The following FAM53A variants were observed in gnomAD, a reference collection of about 807,000 sequenced individuals.
FAM53A encodes the protein protein FAM53A.
FAM53A carries 28 observed loss-of-function variants against 26.6 expected under a neutral mutation model. The observed-to-expected ratio is 1.05, with a 90% CI of 0.78 to 1.45. The LOEUF (loss-of-function observed/expected upper bound fraction) is 1.45, where lower values mean the gene tolerates loss of function less well. Ranked by LOEUF, FAM53A falls within the 40% of genes most tolerant of loss-of-function variation. FAM53A has a pLI of 0.00. For synonymous variants in FAM53A, 290 were observed against 253.1 expected (o/e 1.15, Z -1.38); for missense variants, 650 against 575.8 (o/e 1.13, Z -1.32).
intron 1 of FAM53A, among the ~76,000 whole-genome samples, chr4:1,682,017 G>A (rs975930170): frequency 1.3e-5 from 2 of 152,072 alleles, no homozygotes; most frequent in Non-Finnish European, 2.9e-5. Context: ...ACTTCACCTG[G>A]ACAAGTAACC....
At chr4:1,645,535 T>C (rs909638373) in intron 4 of FAM53A, among the ~76,000 whole-genome samples, 1 of 151,984 alleles carries the variant, frequency 6.6e-6, no homozygotes, top group Non-Finnish European at 1.5e-5. Flanking sequence ...AGAACAAAGA[T>C]CCTCCCTGTC....
the FAM53A span, among the ~76,000 whole-genome samples, chr4:1,609,806 T>TAC: frequency 6.6e-6 from 1 of 151,624 alleles, no homozygotes; most frequent in Non-Finnish European, 1.5e-5. Context: ...CTACTAAAAA[T>TAC]ATAAAAATTA....
chr4:1,658,330 T>C (rs558610254), intron 2 of FAM53A, among the ~76,000 whole-genome samples: 1 of 152,356 alleles, frequency 6.6e-6, no homozygotes, highest in Admixed American at 6.5e-5. Flanking sequence ...TCAGACATTT[T>C]TATTCCAAGC....
rs575617375 is a variant in FAM53A at position 1,675,958 on chromosome 4, C to T, written c.-164-7053G>A. Among the ~76,000 whole-genome samples the T allele has an allele frequency of 1.2e-4, 18 of 152,370 alleles. No homozygotes were observed. The East Asian group carries it at 3.1e-3, about 26-fold the overall frequency. On this transcript the variant is annotated intron_variant, in intron 1 of 4. Coordinates refer to ENST00000308132, the MANE Select transcript of FAM53A (RefSeq NM_001174070.3). Reference sequence around the variant, plus strand: ...CTCAGATGGCCGCCTCACGGGACAGCGGCAAAATGCCCTCGGCTGGCGGCT... The same window carrying T: ...CTCAGATGGCCGCCTCACGGGACAGTGGCAAAATGCCCTCGGCTGGCGGCT...
chr4:1,632,163 C>CA (rs33944808), intron 1 of FAM53A, among the ~76,000 whole-genome samples: 56,079 of 107,224 alleles, frequency 0.52, 13,476 homozygotes, highest in Non-Finnish European at 0.57. Context: ...GATTCCATCT[C>CA]AAAAAAAAAA....
intron 4 of FAM53A, chr4:1,644,141 C>T (rs1292969140): frequency 2.6e-6 from 4 of 1,520,950 alleles, no homozygotes; most frequent in Middle Eastern, 1.7e-4. Context: ...TCCACAGCAC[C>T]ACCAGGCTGC....
In FAM53A at chr4:1,668,715, C is replaced by T; in HGVS notation, c.27G>A (p.Leu9=). Residue 9 remains leucine (L), a synonymous_variant, in exon 2 of 5, where the codon CTG becomes CTA. Coordinates refer to ENST00000308132, the MANE Select transcript of FAM53A (RefSeq NM_001174070.3). The part of the protein sequence containing the change: MVTLITEK[L]QSQSLDDLTC... The stretch of plus-strand genomic sequence containing the variant: ...TGAGGTCGTCCAGGCTCTGGCTCTG[C>T]AGCTTCTCAGTGATGAGTGTGACCA... The T allele has an allele frequency of 1.2e-6, 2 of 1,614,196 alleles. No individual in the cohort carries two copies. Among genetic ancestry groups the T allele is most frequent in the Non-Finnish European group, 1.7e-6 (2 of 1,180,022 alleles).
chr4:1,657,668 C>T (rs1713497804), intron 2 of FAM53A, among the ~76,000 whole-genome samples, 200 bp from the exon 3 acceptor site: 1 of 152,158 alleles, frequency 6.6e-6, no homozygotes, highest in African/African-American at 2.4e-5. Flanking sequence ...GATGGAGTCT[C>T]GCACAGTCAC....
the FAM53A span, among the ~76,000 whole-genome samples, chr4:1,599,018 T>G: frequency 6.6e-6 from 1 of 152,266 alleles, no homozygotes; most frequent in East Asian, 1.9e-4. The surrounding 1 kb of genome is among the most constrained non-coding windows in gnomAD (Gnocchi z 6.1). Flanking sequence ...AGCACCGCGT[T>G]CCTTCCCCGG....
At chr4:1,649,188 GGGGAAGGGGAAA>G (rs1712527124) in intron 4 of FAM53A, among the ~76,000 whole-genome samples, 7 of 140,770 alleles carry the variant, frequency 5.0e-5, no homozygotes, top group African/African-American at 2.0e-4. Flanking sequence ...GGAAGGGGAA[GGGGAAGGGGAAA>G]GGGAAAGGGA....
chr4:1,624,619 G>A (rs192563490), intron 1 of FAM53A, among the ~76,000 whole-genome samples: 14 of 152,260 alleles, frequency 9.2e-5, no homozygotes, highest in Non-Finnish European at 1.3e-4. Flanking sequence ...AGAACCCTCC[G>A]CGCAAACCAA....
At chr4:1,600,882 G>A in the FAM53A span, among the ~76,000 whole-genome samples, 159 of 152,302 alleles carry the variant, frequency 1.0e-3, no homozygotes, top group African/African-American at 3.5e-3. Context: ...GGGCAAGTGC[G>A]GGTTCGGAGG....
At chr4:1,608,889 C>T in the FAM53A span, among the ~76,000 whole-genome samples, 1 of 152,130 alleles carries the variant, frequency 6.6e-6, no homozygotes, top group Non-Finnish European at 1.5e-5. Context: ...GTATGCTGGG[C>T]TTACGGGACG....
chr4:1,610,450 C>T, the FAM53A span, among the ~76,000 whole-genome samples: 2 of 152,176 alleles, frequency 1.3e-5, no homozygotes, highest in African/African-American at 2.4e-5. Flanking sequence ...GGCTACGTGC[C>T]TCGAAGGTCT....
At chr4:1,579,138 G>T in the FAM53A span, among the ~76,000 whole-genome samples, 207 of 151,548 alleles carry the variant, frequency 1.4e-3, no homozygotes, top group Non-Finnish European at 2.5e-3. Flanking sequence ...CCAGCCCGGA[G>T]GCGGCTGCGC....
chr4:1,595,776 A>T, the FAM53A span, among the ~76,000 whole-genome samples: 17 of 152,354 alleles, frequency 1.1e-4, no homozygotes, highest in Non-Finnish European at 2.4e-4. Flanking sequence ...TCCAGGCACC[A>T]GCTCTGATGT....
intron 1 of FAM53A, among the ~76,000 whole-genome samples, chr4:1,625,608 C>A: frequency 3.2e-5 from 3 of 94,642 alleles, no homozygotes; most frequent in Admixed American, 9.8e-5. Context: ...CCCCATGTCC[C>A]GACCCACGTG....
the FAM53A span, among the ~76,000 whole-genome samples, chr4:1,577,264 GC>G: frequency 7.9e-5 from 12 of 152,318 alleles, no homozygotes; most frequent in Middle Eastern, 3.4e-3. Flanking sequence ...GAATGGACCT[GC>G]CCCCTCCAGG....
At chr4:1,672,452 G>A (rs539770928) in intron 1 of FAM53A, among the ~76,000 whole-genome samples, 2 of 152,306 alleles carry the variant, frequency 1.3e-5, no homozygotes, top group Non-Finnish European at 2.9e-5. Flanking sequence ...GCCTCCTCAC[G>A]GGGTGGTGGG....
Sources: allele counts gnomAD v4.1 joint callset (sites outside exome capture counted in the v4.1 genomes callset), GRCh38; gene constraint gnomAD v4.1.1; non-coding constraint Gnocchi (gnomAD v3.1); transcripts MANE v1.5; gene names NCBI Gene and HGNC (gene_info 2026-07-23, HGNC 2026-07-21).